The following DNAI1 variants were observed in gnomAD, a reference collection of about 807,000 sequenced individuals.
DNAI1 encodes dynein, axonemal, intermediate polypeptide 1.
A neutral mutation model predicts 92.0 loss-of-function variants in DNAI1; 67 were observed. The observed-to-expected ratio is 0.73, with a 90% CI of 0.60 to 0.89. The LOEUF (loss-of-function observed/expected upper bound fraction) is 0.89, where lower values mean the gene tolerates loss of function less well. Among genes scored for constraint, DNAI1 ranks in the 40% least tolerant of loss-of-function variants. The pLI, the probability that DNAI1 is intolerant of heterozygous loss-of-function variation, is 0.00. For missense variants in DNAI1, 839 were observed against 866.6 expected (o/e 0.97, Z 0.40); for synonymous variants, 323 against 319.6 (o/e 1.01, Z -0.11).
chr9:34,489,442 A>C lies in DNAI1; in HGVS notation c.381A>C (p.Leu127Phe). ...EGRRQHYRDE[L>F]VAGSQESVKV... Reference sequence around the variant, plus strand: ...GGCGGCAGCATTACCGCGATGAATTAGTGGCAGGTAGGACTCTGGGCCATC... The same window carrying C: ...GGCGGCAGCATTACCGCGATGAATTCGTGGCAGGTAGGACTCTGGGCCATC... Residue 127 changes from leucine to phenylalanine, a missense_variant, in exon 5 of 20, where the codon TTA becomes TTC. Transcript: ENST00000242317. 6.2e-7 allele frequency: 1 copy of C among 1,613,638 alleles called. No homozygotes were observed. Among genetic ancestry groups the C allele is most frequent in the Non-Finnish European group, 8.5e-7 (1 of 1,179,946 alleles).
chr9:34,499,828 T>C (rs572007125), intron 10 of DNAI1, among the ~76,000 whole-genome samples: 9 of 152,272 alleles, frequency 5.9e-5, no homozygotes, highest in African/African-American at 2.2e-4. Context: ...GTGGATCTCC[T>C]CTTGGTTTAA....
Position 34,517,266 on chromosome 9 carries a change from G to T in DNAI1, c.1819-19G>T. On this transcript the variant is annotated intron_variant, in intron 18 of 19. Coordinates refer to ENST00000242317, the MANE Select transcript of DNAI1 (RefSeq NM_012144.4). Reference sequence around the variant, plus strand: ...AGGCCTCATTACCCCTGAGTGTGCTGACACCGACCTCTCCACAGGCCCACA... The same window carrying T: ...AGGCCTCATTACCCCTGAGTGTGCTTACACCGACCTCTCCACAGGCCCACA... 6.2e-7 allele frequency: 1 copy of T among 1,611,390 alleles called. No homozygotes were observed. Among genetic ancestry groups the T allele is most frequent in the South Asian group, 1.1e-5 (1 of 90,646 alleles).
intron 13 of DNAI1, among the ~76,000 whole-genome samples, chr9:34,507,363 G>A (rs2132077413): frequency 6.6e-6 from 1 of 152,268 alleles, no homozygotes; most frequent in African/African-American, 2.4e-5. Context: ...TGTGTGTTAT[G>A]TATATTTTAT....
intron 4 of DNAI1, chr9:34,488,112 A>G (rs1824508405): frequency 5.1e-6 from 2 of 393,626 alleles, no homozygotes; most frequent in South Asian, 3.8e-5. Flanking sequence ...AATATTGAGC[A>G]TTTATTATGT....
Position 34,508,809 on chromosome 9 carries a change from G to A in DNAI1, c.1311+1935G>A, listed in dbSNP as rs575724348. Among the ~76,000 whole-genome samples the A allele has an allele frequency of 2.0e-5, 3 of 152,320 alleles. No individual in the cohort carries two copies. The South Asian group carries it at 6.2e-4, about 32-fold the overall frequency. ...CAGGTCCCAAGAAGACAGGAACTCA[G>A]CTGGACAGAGAAGCCTTCTGCTCTC... is the stretch of plus-strand genomic sequence containing the variant. On this transcript the variant is annotated intron_variant, in intron 13 of 19. Transcript: ENST00000242317.
chr9:34,483,461 G>T lies in DNAI1; in HGVS notation c.62G>T (p.Gly21Val). Residue 21 changes from glycine (G) to valine (V), a missense_variant, in exon 2 of 20, where the codon GGC becomes GTC. Physicochemically the swap from Gly to Val is moderately radical, Grantham distance 109. Coordinates refer to ENST00000242317, the MANE Select transcript of DNAI1 (RefSeq NM_012144.4). ...KQPHKQSISIGRGTRKRDEDS... is the reference protein window; with the variant it reads ...KQPHKQSISIVRGTRKRDEDS... ...TTCTTCATTTAGAGCATCAGCATAG[G>T]CAGAGGAACCAGGAAGAGAGTAAGT... The T allele has an allele frequency of 6.2e-7, 1 of 1,612,322 alleles. No homozygotes were observed.
intron 12 of DNAI1, among the ~76,000 whole-genome samples, chr9:34,502,299 A>G (rs1486995559): frequency 6.6e-6 from 1 of 152,144 alleles, no homozygotes; most frequent in Non-Finnish European, 1.5e-5. Flanking sequence ...GGCTGCTGCC[A>G]AGTGGGAAGT....
At chr9:34,500,373 CAG>C (rs1444026653) in intron 10 of DNAI1, among the ~76,000 whole-genome samples, 1 of 152,160 alleles carries the variant, frequency 6.6e-6, no homozygotes, top group African/African-American at 2.4e-5. Flanking sequence ...CTCCTCCAAA[CAG>C]AGCCTCCTGA....
intron 4 of DNAI1, 60 bp from the exon 5 acceptor site, chr9:34,489,263 T>C (rs1246822352): frequency 6.3e-7 from 1 of 1,598,640 alleles, no homozygotes; most frequent in Non-Finnish European, 8.6e-7. Flanking sequence ...GAAAGCAGAT[T>C]ACATTTTGAC....
chr9:34,498,437 A>G (rs956659893), intron 10 of DNAI1, among the ~76,000 whole-genome samples: 1 of 152,230 alleles, frequency 6.6e-6, no homozygotes, highest in South Asian at 2.1e-4. Flanking sequence ...TCACCTAAGC[A>G]CTTCGCCGCT....
rs1231856646 is a variant in DNAI1, at chr9:34,514,528, G to A, written c.1704G>A (p.Trp568Ter). ...SCSSDWTVKI[W>*]DHTIKTPMFI... ...GCTCCGACTGGACAGTGAAGATCTG[G>A]GACCACACCATCAAGTGAGGGGCCT... The change falls in exon 17 of 20, where the codon TGG (tryptophan) becomes TGA (stop). Residue 568 changes from tryptophan (W) to a stop codon, truncating the protein, a stop_gained. Transcript: ENST00000242317. LOFTEE classifies it high-confidence loss of function. 3 of 1,614,198 alleles carry A rather than the reference G, an allele frequency of 1.9e-6. No homozygotes were observed. The South Asian group carries it at 3.3e-5, about 18-fold the overall frequency.
intron 7 of DNAI1, 30 bp from the exon 8 acceptor site, chr9:34,491,465 T>C (rs1824589620): frequency 6.2e-7 from 1 of 1,613,982 alleles, no homozygotes; most frequent in South Asian, 1.1e-5. Flanking sequence ...TGAGGGCTTT[T>C]TGTGGGTCTC....
intron 16 of DNAI1, 39 bp from the exon 17 acceptor site, chr9:34,514,355 C>T: frequency 1.2e-6 from 2 of 1,609,732 alleles, no homozygotes; most frequent in South Asian, 1.1e-5. Context: ...GGCTGCTGAC[C>T]TTTCTCTCAC....
intron 1 of DNAI1, among the ~76,000 whole-genome samples, chr9:34,479,065 G>T (rs1027347667): frequency 6.6e-6 from 1 of 152,178 alleles, no homozygotes; most frequent in African/African-American, 2.4e-5. Context: ...AGAGATAGTG[G>T]AAGCAGGGAG....
At position 34,500,708 on chromosome 9, in the gene DNAI1, T is replaced by C. The variant is rs535718826; in HGVS notation, c.902-14T>C. 1 of 1,600,700 alleles carries C rather than the reference T, an allele frequency of 6.2e-7. No homozygotes were observed. Among genetic ancestry groups the C allele is most frequent in the Non-Finnish European group, 8.6e-7 (1 of 1,168,530 alleles). Reference sequence around the variant, plus strand: ...CGGCAGTCCCAGGGCTGACTCTGCCTGTGTGTGTTTAAGATTTTAAGTACT... The same window carrying C: ...CGGCAGTCCCAGGGCTGACTCTGCCCGTGTGTGTTTAAGATTTTAAGTACT... On this transcript the variant is annotated splice_polypyrimidine_tract_variant and intron_variant, in intron 10 of 19. Transcript: ENST00000242317.
At chr9:34,500,612 TA>T (rs1824810151) in intron 10 of DNAI1, 109 bp from the exon 11 acceptor site, 2 of 745,636 alleles carry the variant, frequency 2.7e-6, no homozygotes, top group Admixed American at 2.0e-5. Context: ...ATTCCCACTC[TA>T]AAACAGAGGC....
At chr9:34,496,575 T>G (rs1250269226) in intron 9 of DNAI1, among the ~76,000 whole-genome samples, 1 of 152,148 alleles carries the variant, frequency 6.6e-6, no homozygotes, top group Non-Finnish European at 1.5e-5. Flanking sequence ...GAATTAGGAG[T>G]CTCAGTTCTG....
Position 34,492,497 on chromosome 9 carries a change from T to TATAG in DNAI1, c.682-694_682-693insGATA. Among the ~76,000 whole-genome samples, 2 of 23,174 alleles carry TATAG rather than the reference T, an allele frequency of 8.6e-5. 1 individual carries two copies. Among genetic ancestry groups the TATAG allele is most frequent in the African/African-American group, 5.7e-4 (2 of 3,490 alleles). The allele number at this position is 23,174 out of a possible 152,430, so 15.2% of individuals were successfully genotyped here. A position where few individuals can be genotyped will look rare whatever the true frequency, so the allele number is the denominator to read the frequency against. On this transcript the variant is annotated intron_variant, in intron 8 of 19. Transcript: ENST00000242317. ...GGGTGGGGGTGGGGATATGAAGATA[T>TATAG]ATATATATATATATATATATATATA...
Position 34,514,744 on chromosome 9 carries a change from G to A in DNAI1, c.1818+5G>A. 1.2e-6 allele frequency: 2 copies of A among 1,613,830 alleles called. No individual in the cohort carries two copies. Among genetic ancestry groups the A allele is most frequent in the Non-Finnish European group, 1.7e-6 (2 of 1,179,910 alleles). On this transcript the variant is annotated splice_donor_5th_base_variant and intron_variant, in intron 18 of 19. Coordinates refer to ENST00000242317, the MANE Select transcript of DNAI1 (RefSeq NM_012144.4). ...GCAGTCACCACAGATGGGAAGGTGAGTGCCAGCGTCCTGACTTCACTGAGT... is the reference window on the plus strand; with the variant it reads ...GCAGTCACCACAGATGGGAAGGTGAATGCCAGCGTCCTGACTTCACTGAGT...
Sources: allele counts gnomAD v4.1 joint callset (sites outside exome capture counted in the v4.1 genomes callset), GRCh38; gene constraint gnomAD v4.1.1; transcripts MANE v1.5; gene names NCBI Gene and HGNC (gene_info 2026-07-23, HGNC 2026-07-21).